GALNT13: variants seen among roughly 807,000 people sequenced by gnomAD.
GALNT13 encodes the protein polypeptide N-acetylgalactosaminyltransferase 13, also known as UDP-GalNAc:polypeptide N-acetylgalactosaminyltransferase 13.
A neutral mutation model predicts 64.2 loss-of-function variants in GALNT13; 28 were observed. The ratio of observed to expected loss-of-function variants is 0.44; its 90% CI spans 0.32 to 0.60. The LOEUF is 0.60. GALNT13 is among the 20% of genes least tolerant of loss of function. The probability of loss-of-function intolerance (pLI) is 0.05; values close to 1 mark genes in which losing one functional copy is unlikely to be tolerated. For synonymous variants in GALNT13, 214 were observed against 224.6 expected (o/e 0.95, Z 0.42); for missense variants, 577 against 669.8 (o/e 0.86, Z 1.53).
the GALNT13 span, among the ~76,000 whole-genome samples, chr2:153,780,886 C>G: frequency 6.6e-6 from 1 of 152,234 alleles, no homozygotes; most frequent in African/African-American, 2.4e-5. Context: ...TTCCTGTCTC[C>G]TCAGGACCTA....
the GALNT13 span, among the ~76,000 whole-genome samples, chr2:153,091,421 G>A: frequency 1.3e-5 from 2 of 152,194 alleles, no homozygotes; most frequent in Non-Finnish European, 2.9e-5. Context: ...GGGGATGTGT[G>A]TTCAGAGGCA....
the GALNT13 span, among the ~76,000 whole-genome samples, chr2:153,434,906 T>A: frequency 2.6e-5 from 4 of 152,190 alleles, no homozygotes; most frequent in Non-Finnish European, 5.9e-5. Context: ...TCCTTGCCCA[T>A]GCCTATGTCC....
chr2:154,159,488 A>G (rs1301399434), intron 4 of GALNT13, among the ~76,000 whole-genome samples: 2 of 152,140 alleles, frequency 1.3e-5, no homozygotes, highest in African/African-American at 2.4e-5. Context: ...CACTCAATAA[A>G]TATTTGTTGG....
At chr2:153,103,824 T>C in the GALNT13 span, among the ~76,000 whole-genome samples, 6 of 152,370 alleles carry the variant, frequency 3.9e-5, no homozygotes, top group South Asian at 4.1e-4. Context: ...CAGAAATTAA[T>C]CTGCTGCTTG....
At chr2:153,571,607 A>G in the GALNT13 span, among the ~76,000 whole-genome samples, 6 of 152,030 alleles carry the variant, frequency 3.9e-5, no homozygotes, top group African/African-American at 1.4e-4. Flanking sequence ...CTTTTATCAT[A>G]TTGACATATG....
chr2:153,979,166 A>T (rs1241585439), intron 3 of GALNT13, among the ~76,000 whole-genome samples: 2 of 152,166 alleles, frequency 1.3e-5, no homozygotes, highest in Non-Finnish European at 2.9e-5. Context: ...AAAAGCTCAC[A>T]CACAATTTCT....
At chr2:153,460,399 C>T in the GALNT13 span, among the ~76,000 whole-genome samples, 3 of 152,138 alleles carry the variant, frequency 2.0e-5, no homozygotes, top group South Asian at 6.2e-4. Flanking sequence ...ATTTTATCTG[C>T]TATATAATTC....
chr2:153,623,328 G>T, the GALNT13 span, among the ~76,000 whole-genome samples: 1 of 152,064 alleles, frequency 6.6e-6, no homozygotes, highest in Non-Finnish European at 1.5e-5. Context: ...TTATCTCAAT[G>T]GGAAATGTGT....
chr2:153,302,272 G>A, the GALNT13 span, among the ~76,000 whole-genome samples: 1 of 152,014 alleles, frequency 6.6e-6, no homozygotes, highest in Non-Finnish European at 1.5e-5. Context: ...ACGGGTGTGA[G>A]CTCACTGTGC....
chr2:153,141,437 T>C, the GALNT13 span, among the ~76,000 whole-genome samples: 2 of 152,006 alleles, frequency 1.3e-5, no homozygotes, highest in African/African-American at 4.8e-5. Context: ...ACCCCGTGAG[T>C]TGGGGCAGGG....
chr2:153,568,734 TA>T, the GALNT13 span, among the ~76,000 whole-genome samples: 1 of 152,116 alleles, frequency 6.6e-6, no homozygotes, highest in South Asian at 2.1e-4. Context: ...AAATTGTTAT[TA>T]AAAAAGGGAA....
the GALNT13 span, among the ~76,000 whole-genome samples, chr2:153,256,474 G>A: frequency 6.6e-6 from 1 of 152,160 alleles, no homozygotes; most frequent in Non-Finnish European, 1.5e-5. Flanking sequence ...GCTCCTCAAC[G>A]TCATTCTCCG....
At chr2:153,730,836 T>C in the GALNT13 span, among the ~76,000 whole-genome samples, 2 of 152,086 alleles carry the variant, frequency 1.3e-5, no homozygotes, top group Non-Finnish European at 2.9e-5. Flanking sequence ...AAAACCACAG[T>C]GAGATATTAT....
the GALNT13 span, among the ~76,000 whole-genome samples, chr2:153,502,776 A>G: frequency 9.4e-4 from 143 of 152,298 alleles, 4 homozygotes; most frequent in South Asian, 0.028. Flanking sequence ...GATCATGGCT[A>G]TTCTTGCAGG....
chr2:153,290,219 A>G, the GALNT13 span, among the ~76,000 whole-genome samples: 1 of 151,912 alleles, frequency 6.6e-6, no homozygotes, highest in Non-Finnish European at 1.5e-5. Context: ...ATTATTTTTT[A>G]TTATTGATAG....
At chr2:154,455,203 G>C (rs187450536), downstream of GALNT13, among the ~76,000 whole-genome samples, 331 of 152,248 alleles carry the variant, frequency 2.2e-3, 2 homozygotes, top group Middle Eastern at 3.4e-3. Flanking sequence ...TTCTGAATTA[G>C]TTCGGTAAAC....
intron 3 of GALNT13, among the ~76,000 whole-genome samples, chr2:154,013,790 G>A (rs1371084307): frequency 3.3e-5 from 5 of 152,168 alleles, no homozygotes; most frequent in African/African-American, 1.2e-4. Flanking sequence ...CATGCCTGCT[G>A]TAGGAAGAGG....
chr2:154,023,003 G>A (rs902807860), intron 3 of GALNT13, among the ~76,000 whole-genome samples: 1 of 152,180 alleles, frequency 6.6e-6, no homozygotes, highest in Admixed American at 6.5e-5. Context: ...TAGTTGAGCG[G>A]TTTTGAGTGA....
chr2:153,651,537 A>G, the GALNT13 span, among the ~76,000 whole-genome samples: 2 of 152,176 alleles, frequency 1.3e-5, no homozygotes, highest in Non-Finnish European at 2.9e-5. Flanking sequence ...GCACACAGCA[A>G]TTAAATAATT....
Sources: gnomAD v4.1 joint callset for allele counts (sites outside exome capture counted in the v4.1 genomes callset) on GRCh38, gnomAD v4.1.1 for gene constraint, MANE v1.5 for transcripts, NCBI Gene and HGNC (gene_info 2026-07-23, HGNC 2026-07-21) for gene names.